Variants in CCDC178 observed in about 807,000 individuals in gnomAD.
The protein encoded by CCDC178 is coiled-coil domain-containing protein 178.
Under a neutral mutation model 117.4 loss-of-function variants are expected in CCDC178, and 126 were observed. The ratio of observed to expected loss-of-function variants is 1.07; its 90% CI spans 0.93 to 1.24. The LOEUF (loss-of-function observed/expected upper bound fraction) is 1.24, where lower values mean the gene tolerates loss of function less well. Among genes scored for constraint, CCDC178 ranks in the 50% most tolerant of loss-of-function variants. The pLI is 0.00. For missense variants in CCDC178, 1,030 were observed against 986.9 expected, an observed-to-expected ratio of 1.04 and a Z score of -0.59; for synonymous variants, 283 against 313.4, an observed-to-expected ratio of 0.90 and a Z score of 1.02.
chr18:32,957,535 T>A (rs1379903669), intron 22 of CCDC178, among the ~76,000 whole-genome samples: 1 of 151,946 alleles, frequency 6.6e-6, no homozygotes. Context: ...CTAAAGTACA[T>A]GTTGTTAATA....
chr18:33,036,443 G>T (rs544651641), intron 21 of CCDC178, among the ~76,000 whole-genome samples: 1 of 151,936 alleles, frequency 6.6e-6, no homozygotes, highest in South Asian at 2.1e-4. Context: ...ATAATACATG[G>T]CTGTAAGAAC....
intron 20 of CCDC178, among the ~76,000 whole-genome samples, chr18:33,112,650 G>C (rs1012978537): frequency 4.0e-5 from 6 of 151,828 alleles, no homozygotes; most frequent in Non-Finnish European, 8.8e-5. Context: ...GTTATCTACT[G>C]CAAGTTTCAC....
intron 21 of CCDC178, among the ~76,000 whole-genome samples, chr18:33,066,107 C>T (rs1046279541): frequency 9.2e-5 from 14 of 151,938 alleles, no homozygotes; most frequent in African/African-American, 2.4e-4. Flanking sequence ...GTGATCCACC[C>T]GCCTCGGCCT....
chr18:33,433,720 T>G (rs554942097), intron 2 of CCDC178, among the ~76,000 whole-genome samples: 1 of 152,274 alleles, frequency 6.6e-6, no homozygotes, highest in East Asian at 1.9e-4. Context: ...CCTGTTATGT[T>G]TCATTCTAAA....
At chr18:33,023,238 T>A (rs2056158066) in intron 21 of CCDC178, among the ~76,000 whole-genome samples, 1 of 152,110 alleles carries the variant, frequency 6.6e-6, no homozygotes, top group Non-Finnish European at 1.5e-5. Context: ...CAGGGTTTAA[T>A]TGACATTTAT....
intron 10 of CCDC178, among the ~76,000 whole-genome samples, chr18:33,332,814 A>G (rs2062687069): frequency 1.3e-5 from 2 of 152,138 alleles, no homozygotes; most frequent in Non-Finnish European, 2.9e-5. Context: ...GGGTTTCACC[A>G]TGTTACTCTG....
chr18:33,234,842 G>A (rs1206023338), intron 15 of CCDC178, among the ~76,000 whole-genome samples: 1 of 151,986 alleles, frequency 6.6e-6, no homozygotes, highest in Admixed American at 6.6e-5. Flanking sequence ...ATGCTATAAG[G>A]CATAAATCCT....
chr18:33,116,705 G>C (rs2057861707), intron 20 of CCDC178, among the ~76,000 whole-genome samples: 1 of 139,122 alleles, frequency 7.2e-6, no homozygotes, highest in African/African-American at 3.0e-5. Flanking sequence ...CACTCAGGTG[G>C]CCCACTCCAG....
At chr18:33,223,527 C>T (rs1181477675) in intron 17 of CCDC178, among the ~76,000 whole-genome samples, 3 of 151,994 alleles carry the variant, frequency 2.0e-5, no homozygotes, top group African/African-American at 7.2e-5. Context: ...ACTCCAAATA[C>T]AAATAGTAAG....
At chr18:33,420,680 G>A (rs1393115193) in intron 2 of CCDC178, among the ~76,000 whole-genome samples, 1 of 151,868 alleles carries the variant, frequency 6.6e-6, no homozygotes, top group Non-Finnish European at 1.5e-5. Context: ...TACCTATTGA[G>A]TACTACTAAT....
intron 6 of CCDC178, among the ~76,000 whole-genome samples, chr18:33,358,656 CAAAGAA>C (rs2063089802): frequency 6.6e-6 from 1 of 151,608 alleles, no homozygotes; most frequent in South Asian, 2.1e-4. Flanking sequence ...AGCAAATCTC[CAAAGAA>C]AAATTAAAAT....
intron 10 of CCDC178, 113 bp from the exon 11 acceptor site, chr18:33,323,746 TC>T: frequency 1.6e-6 from 1 of 611,622 alleles, no homozygotes; most frequent in Non-Finnish European, 2.4e-6. Flanking sequence ...AACATTTTCT[TC>T]CCACATTTAG....
chr18:33,227,264 T>C (rs1223175707), intron 15 of CCDC178, among the ~76,000 whole-genome samples: 3 of 150,690 alleles, frequency 2.0e-5, no homozygotes, highest in Non-Finnish European at 4.4e-5. Flanking sequence ...AAGAGCAGAC[T>C]CTCCATTTAG....
intron 22 of CCDC178, among the ~76,000 whole-genome samples, chr18:32,948,184 C>G (rs2054397975): frequency 6.6e-6 from 1 of 152,166 alleles, no homozygotes; most frequent in Non-Finnish European, 1.5e-5. Context: ...TATTCTATGT[C>G]CTTTCCATTT....
At chr18:33,043,867 G>A (rs766852325) in intron 21 of CCDC178, among the ~76,000 whole-genome samples, 3 of 151,342 alleles carry the variant, frequency 2.0e-5, no homozygotes, top group Admixed American at 6.6e-5. Context: ...AAAATTTCTC[G>A]CCGTAATAGT....
chr18:33,138,474 T>G (rs746616307), intron 20 of CCDC178, among the ~76,000 whole-genome samples: 2 of 152,106 alleles, frequency 1.3e-5, no homozygotes, highest in African/African-American at 2.4e-5. Flanking sequence ...AAGACATAGC[T>G]CCTGCTTGGA....
chr18:33,062,291 T>C (rs865803893), intron 21 of CCDC178, among the ~76,000 whole-genome samples: 19 of 152,180 alleles, frequency 1.2e-4, no homozygotes, highest in African/African-American at 4.3e-4. Flanking sequence ...TGAAATATAA[T>C]CTGACCATGT....
chr18:33,369,663 AAAAC>A (rs1208724872), intron 6 of CCDC178, among the ~76,000 whole-genome samples: 1 of 152,130 alleles, frequency 6.6e-6, no homozygotes, highest in African/African-American at 2.4e-5. Context: ...TCTTTAGAAT[AAAAC>A]AACTCATTAA....
chr18:32,969,742 T>C (rs1436805866), intron 22 of CCDC178, among the ~76,000 whole-genome samples: 1 of 152,008 alleles, frequency 6.6e-6, no homozygotes, highest in South Asian at 2.1e-4. Flanking sequence ...GTGCAATTTA[T>C]CTTATGGGAC....
Sources: allele counts gnomAD v4.1 joint callset (sites outside exome capture counted in the v4.1 genomes callset), GRCh38; gene constraint gnomAD v4.1.1; transcripts MANE v1.5; gene names NCBI Gene and HGNC (gene_info 2026-07-23, HGNC 2026-07-21).